Variants in PKNOX2 observed in about 807,000 individuals in gnomAD.
PKNOX2 encodes the protein homeobox protein PKNOX2.
PKNOX2 carries 14 observed loss-of-function variants against 53.1 expected under a neutral mutation model. That is an observed-to-expected ratio of 0.26 (90% CI 0.17 to 0.41). PKNOX2 has a LOEUF of 0.41. Ranked by LOEUF, PKNOX2 falls within the 10% of genes least tolerant of loss-of-function variation. The probability of loss-of-function intolerance (pLI) is 1.00; values close to 1 mark genes in which losing one functional copy is unlikely to be tolerated. For synonymous variants in PKNOX2, 257 were observed against 242.8 expected, an observed-to-expected ratio of 1.06 and a Z score of -0.54; for missense variants, 496 against 602.8, an observed-to-expected ratio of 0.82 and a Z score of 1.85.
Position 125,410,295 on chromosome 11 carries a change from A to C in PKNOX2, c.688A>C (p.Met230Leu), listed in dbSNP as rs769855056. Residue 230 changes from methionine to leucine, a missense_variant, in exon 8 of 13, where the codon ATG (methionine) becomes CTG (leucine). Met to Leu is a conservative substitution (Grantham distance 15). Coordinates refer to ENST00000298282, the MANE Select transcript of PKNOX2 (RefSeq NM_001382323.2). Reference protein sequence around the residue: ...ASALQQGNIAMTTVNSQVVSG... With the variant: ...ASALQQGNIALTTVNSQVVSG... ...AGCGCTCCAGCAGGGCAACATCGCC[A>C]TGACAACCGTCAACTCACAAGTTGT... The C allele has an allele frequency of 1.1e-5, 18 of 1,613,970 alleles. No homozygotes were observed. The highest frequency in any genetic ancestry group is 1.5e-5 in the Non-Finnish European group (18 of 1,180,002).
chr11:125,253,613 T>C (rs1944176607), intron 2 of PKNOX2, among the ~76,000 whole-genome samples: 1 of 152,206 alleles, frequency 6.6e-6, no homozygotes, highest in African/African-American at 2.4e-5. Flanking sequence ...TGATTTGTCG[T>C]GATTCCTTGG....
intron 10 of PKNOX2, among the ~76,000 whole-genome samples, chr11:125,421,114 T>C (rs1379336180): frequency 6.6e-6 from 1 of 152,190 alleles, no homozygotes; most frequent in Non-Finnish European, 1.5e-5. Flanking sequence ...AGGTATGAGA[T>C]GTGATTTCAG....
At chr11:125,292,907 G>A (rs188435522) in intron 2 of PKNOX2, among the ~76,000 whole-genome samples, 216 of 151,590 alleles carry the variant, frequency 1.4e-3, no homozygotes, top group African/African-American at 5.1e-3. Flanking sequence ...AGAACCAGAA[G>A]CCACAAAGTG....
intron 2 of PKNOX2, among the ~76,000 whole-genome samples, chr11:125,286,049 G>A (rs1001312362): frequency 2.6e-5 from 4 of 152,110 alleles, no homozygotes; most frequent in East Asian, 1.9e-4. Context: ...TGTGTAGGGC[G>A]TAAGTGAGAG....
Position 125,397,859 on chromosome 11 carries a change from C to T in PKNOX2, c.400-15C>T. On this transcript the variant is annotated splice_polypyrimidine_tract_variant and intron_variant, in intron 6 of 12. Transcript: ENST00000298282. ...GATGCAAACACCTGGGCTCACCTCT[C>T]CTCCCTCTCCACAGATGGTGAAGGC... 4.4e-6 allele frequency: 7 copies of T among 1,599,796 alleles called. No individual in the cohort carries two copies. Among genetic ancestry groups the T allele is most frequent in the Non-Finnish European group, 6.0e-6 (7 of 1,173,088 alleles).
chr11:125,304,831 G>A (rs1268362581), intron 2 of PKNOX2, among the ~76,000 whole-genome samples: 1 of 152,138 alleles, frequency 6.6e-6, no homozygotes, highest in African/African-American at 2.4e-5. Flanking sequence ...GGGTATTAGA[G>A]ATACATCTGT....
intron 2 of PKNOX2, among the ~76,000 whole-genome samples, chr11:125,330,961 G>A (rs1172140929): frequency 1.3e-5 from 2 of 152,282 alleles, no homozygotes; most frequent in East Asian, 1.9e-4. Flanking sequence ...CTGGCCAGCG[G>A]TTCTCCCGAT....
At chr11:125,389,869 A>G (rs1953924361) in intron 6 of PKNOX2, among the ~76,000 whole-genome samples, 1 of 152,078 alleles carries the variant, frequency 6.6e-6, no homozygotes, top group Non-Finnish European at 1.5e-5. Context: ...GGGACAGATT[A>G]CGGCTGCCTG....
chr11:125,271,733 C>T (rs1482968358), intron 2 of PKNOX2, among the ~76,000 whole-genome samples: 1 of 151,924 alleles, frequency 6.6e-6, no homozygotes, highest in Middle Eastern at 3.2e-3. Flanking sequence ...AAAAAAAAAT[C>T]CCCCAGGGTC....
intron 4 of PKNOX2, among the ~76,000 whole-genome samples, chr11:125,366,682 A>T (rs547477905): frequency 1.4e-3 from 208 of 152,382 alleles, no homozygotes; most frequent in South Asian, 3.7e-3. Flanking sequence ...AAATGAAGAC[A>T]TGCAAATGTC....
chr11:125,275,362 G>C (rs754643017), intron 2 of PKNOX2, among the ~76,000 whole-genome samples: 1 of 152,210 alleles, frequency 6.6e-6, no homozygotes, highest in Non-Finnish European at 1.5e-5. Flanking sequence ...GGAATGAGTA[G>C]ACAAGACGGA....
At position 125,165,580 on chromosome 11, in the gene PKNOX2, C is replaced by A. The variant is rs1036190699; in HGVS notation, c.-201+804C>A. 6.6e-6 allele frequency among the ~76,000 whole-genome samples: 1 copy of A among 152,158 alleles called. No homozygotes were observed. Among genetic ancestry groups the A allele is most frequent in the African/African-American group, 2.4e-5 (1 of 41,452 alleles). ...GGCAGGGCGAATGAGGGTTTGCAGA[C>A]GGATCAGTGGAGACAGGGGAACACC... On this transcript the variant is annotated intron_variant, in intron 1 of 12. Coordinates refer to ENST00000298282, the MANE Select transcript of PKNOX2 (RefSeq NM_001382323.2). The surrounding 1 kb of genome is among the most constrained non-coding windows in gnomAD (Gnocchi z 4.5).
intron 5 of PKNOX2, among the ~76,000 whole-genome samples, chr11:125,382,454 T>C (rs1014923110): frequency 2.6e-5 from 4 of 152,190 alleles, no homozygotes; most frequent in Non-Finnish European, 5.9e-5. Context: ...GGCACGATGC[T>C]GCGGATTATT....
At chr11:125,411,509 T>TCTCTCTCTCTCTCCCC (rs1491258659) in intron 9 of PKNOX2, 1 of 315,068 alleles carries the variant, frequency 3.2e-6, no homozygotes. Flanking sequence ...TCTCTCTCTC[T>TCTCTCTCTCTCTCCCC]CCCCCCCTTC....
At chr11:125,401,003 C>T (rs1160756763) in intron 7 of PKNOX2, among the ~76,000 whole-genome samples, 1 of 151,652 alleles carries the variant, frequency 6.6e-6, no homozygotes, top group East Asian at 1.9e-4. Context: ...GCAGTGGCTA[C>T]CACAAGGTCT....
intron 7 of PKNOX2, among the ~76,000 whole-genome samples, chr11:125,402,327 G>T (rs1954801746): frequency 6.6e-6 from 1 of 152,130 alleles, no homozygotes; most frequent in Non-Finnish European, 1.5e-5. Flanking sequence ...TCCTCTGTAA[G>T]GAGACTGGTT....
At chr11:125,286,482 G>A (rs1000229910) in intron 2 of PKNOX2, among the ~76,000 whole-genome samples, 1 of 152,216 alleles carries the variant, frequency 6.6e-6, no homozygotes, top group Non-Finnish European at 1.5e-5. Flanking sequence ...AGTTTTGCTA[G>A]CCTACGTAAG....
intron 7 of PKNOX2, among the ~76,000 whole-genome samples, chr11:125,405,914 C>G (rs541419552): frequency 3.9e-5 from 6 of 152,308 alleles, no homozygotes; most frequent in South Asian, 2.1e-4. Context: ...CCTAGTGGAA[C>G]AAAACGAACA....
chr11:125,406,201 C>T (rs187578575), intron 7 of PKNOX2, among the ~76,000 whole-genome samples: 13 of 152,266 alleles, frequency 8.5e-5, no homozygotes, highest in East Asian at 5.8e-4. Context: ...GGGTTTCCAC[C>T]GCTGCTCTGG....
Sources: gnomAD v4.1 joint callset for allele counts (sites outside exome capture counted in the v4.1 genomes callset) on GRCh38, gnomAD v4.1.1 for gene constraint, Gnocchi (gnomAD v3.1) non-coding constraint, MANE v1.5 for transcripts, NCBI Gene and HGNC (gene_info 2026-07-23, HGNC 2026-07-21) for gene names.